FAM110B: variants seen among roughly 807,000 people sequenced by gnomAD.
FAM110B encodes family with sequence similarity 110 member B, also known as protein FAM110B.
FAM110B carries 6 observed loss-of-function variants against 20.4 expected under a neutral mutation model. The ratio of observed to expected loss-of-function variants is 0.29; its 90% CI spans 0.16 to 0.58. The LOEUF (loss-of-function observed/expected upper bound fraction) is 0.58, where lower values mean the gene tolerates loss of function less well. Among genes scored for constraint, FAM110B ranks in the 20% least tolerant of loss-of-function variants. The probability of loss-of-function intolerance (pLI) is 0.90; values close to 1 mark genes in which losing one functional copy is unlikely to be tolerated. For missense variants in FAM110B, 434 were observed against 498.2 expected (o/e 0.87, Z 1.23); for synonymous variants, 226 against 214.1 (o/e 1.06, Z -0.49).
intron 3 of FAM110B, among the ~76,000 whole-genome samples, chr8:58,117,230 C>T (rs141207029): frequency 3.7e-4 from 56 of 152,318 alleles, no homozygotes; most frequent in African/African-American, 1.3e-3. Flanking sequence ...TACCTGAGAA[C>T]AGTTGATGTG....
At chr8:58,138,486 C>T (rs546116037) in intron 3 of FAM110B, among the ~76,000 whole-genome samples, 1 of 152,256 alleles carries the variant, frequency 6.6e-6, no homozygotes, top group African/African-American at 2.4e-5. Flanking sequence ...TAAGCCAGTT[C>T]CCAGGCTCCT....
intron 2 of FAM110B, among the ~76,000 whole-genome samples, chr8:58,050,971 G>A (rs1805428826): frequency 6.6e-6 from 1 of 152,154 alleles, no homozygotes; most frequent in South Asian, 2.1e-4. Context: ...TGAAGACCGT[G>A]CTCTAAGAAC....
Position 58,028,871 on chromosome 8 carries a change from T to A in FAM110B, c.-511-2735T>A, listed in dbSNP as rs536283616. On this transcript the variant is annotated intron_variant, in intron 1 of 3. Coordinates refer to ENST00000519262, the MANE Select transcript of FAM110B (RefSeq NM_001377989.1). ...GTTCACATTCCCCAGGAAAACCGCA[T>A]GTGGATTTACTAACTACCCATCTAA... Among the ~76,000 whole-genome samples the A allele has an allele frequency of 1.1e-4, 17 of 152,308 alleles. No homozygotes were observed. The East Asian group carries it at 1.3e-3, about 12-fold the overall frequency.
chr8:58,064,707 G>A (rs774125475), intron 2 of FAM110B, among the ~76,000 whole-genome samples: 1 of 152,134 alleles, frequency 6.6e-6, no homozygotes, highest in Non-Finnish European at 1.5e-5. Context: ...TGCTTTATGT[G>A]TACATTAACT....
chr8:58,017,545 T>G (rs747569758), intron 1 of FAM110B, among the ~76,000 whole-genome samples: 1 of 151,958 alleles, frequency 6.6e-6, no homozygotes, highest in Non-Finnish European at 1.5e-5. Flanking sequence ...TCAGTGAGAG[T>G]GGAGGAATTG....
intron 3 of FAM110B, among the ~76,000 whole-genome samples, chr8:58,098,604 C>T (rs1806693840): frequency 6.6e-6 from 1 of 152,180 alleles, no homozygotes; most frequent in African/African-American, 2.4e-5. Context: ...AAAGAAACCC[C>T]TGAAGCTAGC....
chr8:58,100,057 C>T (rs770833844), intron 3 of FAM110B, among the ~76,000 whole-genome samples: 1 of 152,120 alleles, frequency 6.6e-6, no homozygotes, highest in Non-Finnish European at 1.5e-5. Context: ...GACCTCTCCT[C>T]GTCTAATCAC....
intron 2 of FAM110B, among the ~76,000 whole-genome samples, chr8:58,061,283 G>C (rs1254904753): frequency 6.6e-6 from 1 of 152,122 alleles, no homozygotes; most frequent in Non-Finnish European, 1.5e-5. Flanking sequence ...CCCTGGAAGG[G>C]TTTTCTGCTC....
At chr8:58,104,840 A>T (rs1806869660) in intron 3 of FAM110B, among the ~76,000 whole-genome samples, 1 of 152,200 alleles carries the variant, frequency 6.6e-6, no homozygotes, top group African/African-American at 2.4e-5. Flanking sequence ...AATGGAGAAA[A>T]CCAGAAGTCC....
At chr8:58,097,609 TGGA>T (rs1186082830) in intron 3 of FAM110B, among the ~76,000 whole-genome samples, 1 of 152,214 alleles carries the variant, frequency 6.6e-6, no homozygotes, top group African/African-American at 2.4e-5. Context: ...TGTGATCCTT[TGGA>T]GGAGAAGAGG....
At chr8:58,072,605 AAG>A (rs1359657934) in intron 2 of FAM110B, among the ~76,000 whole-genome samples, 1 of 152,252 alleles carries the variant, frequency 6.6e-6, no homozygotes, top group Non-Finnish European at 1.5e-5. Context: ...AGAAAATAAA[AAG>A]AAAGTTTTTG....
At chr8:58,138,322 T>C (rs534710950) in intron 3 of FAM110B, among the ~76,000 whole-genome samples, 1 of 152,332 alleles carries the variant, frequency 6.6e-6, no homozygotes, top group African/African-American at 2.4e-5. Context: ...GGGACTTCTT[T>C]GAGAATACTC....
chr8:58,017,378 G>A (rs967139707), intron 1 of FAM110B, among the ~76,000 whole-genome samples: 2 of 152,160 alleles, frequency 1.3e-5, no homozygotes, highest in East Asian at 1.9e-4. Flanking sequence ...GTTAAGATGC[G>A]AACCAGTTCT....
intron 1 of FAM110B, among the ~76,000 whole-genome samples, chr8:58,004,069 A>G (rs1038543051): frequency 8.5e-5 from 13 of 152,138 alleles, no homozygotes; most frequent in African/African-American, 2.7e-4. Flanking sequence ...TTTCATGATG[A>G]TTCAAGCTCA....
intron 3 of FAM110B, among the ~76,000 whole-genome samples, chr8:58,093,011 T>C (rs1806520559): frequency 1.3e-5 from 2 of 152,074 alleles, no homozygotes; most frequent in Non-Finnish European, 2.9e-5. Flanking sequence ...TGATGAACTT[T>C]CCTTCATATG....
chr8:58,056,816 T>C (rs1805555366), intron 2 of FAM110B, among the ~76,000 whole-genome samples: 2 of 152,010 alleles, frequency 1.3e-5, no homozygotes, highest in African/African-American at 2.4e-5. Context: ...GGGTCCCCTT[T>C]CCCAGCATTT....
intron 3 of FAM110B, among the ~76,000 whole-genome samples, chr8:58,130,794 C>G (rs1803445369): frequency 6.6e-6 from 1 of 152,240 alleles, no homozygotes; most frequent in South Asian, 2.1e-4. Context: ...CGTTCTTCCT[C>G]TGTCTTACAG....
intron 3 of FAM110B, among the ~76,000 whole-genome samples, chr8:58,134,203 A>G (rs1031209735): frequency 6.6e-6 from 1 of 152,232 alleles, no homozygotes; most frequent in Non-Finnish European, 1.5e-5. Context: ...ACTCTTCAAG[A>G]GATGGAAAAT....
intron 2 of FAM110B, among the ~76,000 whole-genome samples, chr8:58,073,338 G>A (rs571424819): frequency 7.9e-5 from 12 of 152,232 alleles, no homozygotes; most frequent in African/African-American, 2.9e-4. Context: ...AAGGGGGTGA[G>A]GAGTGCCAGG....
Sources: gnomAD v4.1 joint callset for allele counts (sites outside exome capture counted in the v4.1 genomes callset) on GRCh38, gnomAD v4.1.1 for gene constraint, MANE v1.5 for transcripts, NCBI Gene and HGNC (gene_info 2026-07-23, HGNC 2026-07-21) for gene names.